Variants in TECTB observed in about 807,000 individuals in gnomAD.
TECTB encodes tectorin beta.
Under a neutral mutation model 43.3 loss-of-function variants are expected in TECTB, and 45 were observed. That is an observed-to-expected ratio of 1.04 (90% CI 0.82 to 1.33). TECTB has a LOEUF of 1.33. Among genes scored for constraint, TECTB ranks in the 40% most tolerant of loss-of-function variants. The pLI is 0.00. For missense variants in TECTB, 399 were observed against 404.7 expected, an observed-to-expected ratio of 0.99 and a Z score of 0.12; for synonymous variants, 169 against 156.7, an observed-to-expected ratio of 1.08 and a Z score of -0.59.
chr10:112,287,987 C>G (rs1202459772), intron 5 of TECTB, among the ~76,000 whole-genome samples: 1 of 152,044 alleles, frequency 6.6e-6, no homozygotes, highest in Non-Finnish European at 1.5e-5. Flanking sequence ...GACCTATAAT[C>G]GGGGGCTAAA....
rs1211813883 is a variant in TECTB at position 112,284,625 on chromosome 10, G to C, written c.167G>C (p.Gly56Ala). ...YGWEVHQLAL[G>A]GLCYNGVHEG... is the part of the protein sequence containing the mutation. ...TGGGAAGTTCATCAGCTGGCCCTCG[G>C]AGGGCTGTGTTACAATGGGGTCCAC... The change falls in exon 3 of 11, where the codon GGA becomes GCA. Residue 56 changes from glycine to alanine, a missense_variant. Gly to Ala is a moderately conservative substitution (Grantham distance 60). Coordinates refer to ENST00000646139, the MANE Select transcript of TECTB (RefSeq NM_058222.3). The C allele has an allele frequency of 1.9e-6, 3 of 1,613,696 alleles. No homozygotes were observed. The African/African-American group carries it at 4.0e-5, about 22-fold the overall frequency.
At chr10:112,296,612 A>G (rs1310594322) in intron 7 of TECTB, among the ~76,000 whole-genome samples, 2 of 152,190 alleles carry the variant, frequency 1.3e-5, no homozygotes, top group Non-Finnish European at 2.9e-5. Flanking sequence ...AAAATGCCAC[A>G]GTTTCATCAC....
intron 3 of TECTB, among the ~76,000 whole-genome samples, chr10:112,285,131 A>G (rs1482573234): frequency 6.6e-6 from 1 of 152,246 alleles, no homozygotes; most frequent in Non-Finnish European, 1.5e-5. Flanking sequence ...GGGAGTGACC[A>G]ATGTATAATA....
chr10:112,300,574 C>T (rs1428520012), intron 9 of TECTB, among the ~76,000 whole-genome samples: 3 of 152,130 alleles, frequency 2.0e-5, no homozygotes, highest in Admixed American at 1.3e-4. Context: ...TGACAGTGGG[C>T]TGGTGCCATG....
At chr10:112,288,155 G>A (rs1019325807) in intron 5 of TECTB, among the ~76,000 whole-genome samples, 6 of 152,160 alleles carry the variant, frequency 3.9e-5, no homozygotes, top group African/African-American at 1.2e-4. Context: ...CTGTCTGGAA[G>A]TGAATAATTG....
intron 2 of TECTB, 122 bp from the exon 3 acceptor site, chr10:112,284,413 C>A: frequency 2.1e-6 from 2 of 930,668 alleles, no homozygotes; most frequent in Non-Finnish European, 2.9e-6. Flanking sequence ...TGAGGAATAG[C>A]AGGGAAGGTG....
At chr10:112,302,205 G>A (rs1848617924) in intron 10 of TECTB, 72 bp downstream of exon 10, 3 of 1,575,376 alleles carry the variant, frequency 1.9e-6, no homozygotes, top group African/African-American at 1.4e-5. Context: ...TTTAAGAGAA[G>A]CTTAACTTTG....
chr10:112,283,755 C>T lies in TECTB; in HGVS notation c.21C>T (p.Val7=). Residue 7 remains valine, a synonymous_variant, in exon 2 of 11, where the codon GTC becomes GTT. Coordinates refer to ENST00000646139, the MANE Select transcript of TECTB (RefSeq NM_058222.3). The part of the protein sequence containing the change: MVTKAF[V]LLAIFAEASA... The stretch of plus-strand genomic sequence containing the variant: ...AAGCAATGGTGACGAAGGCCTTTGT[C>T]TTGTTGGCCATCTTTGCAGAAGCCT... 6.2e-7 allele frequency: 1 copy of T among 1,613,952 alleles called. No homozygotes were observed. Among genetic ancestry groups the T allele is most frequent in the South Asian group, 1.1e-5 (1 of 91,046 alleles).
chr10:112,285,319 G>T (rs1848444744), intron 3 of TECTB, among the ~76,000 whole-genome samples: 1 of 152,126 alleles, frequency 6.6e-6, no homozygotes, highest in African/African-American at 2.4e-5. Flanking sequence ...GGGAGGCTAG[G>T]TCTCCCAACC....
chr10:112,303,492 T>A lies in TECTB; in HGVS notation c.*180T>A. 1.4e-6 allele frequency: 1 copy of A among 722,298 alleles called. No individual in the cohort carries two copies. The highest frequency in any genetic ancestry group is 2.3e-6 in the Non-Finnish European group (1 of 437,554). The allele number at this position is 722,298 out of a possible 1,614,324, so 44.7% of individuals were successfully genotyped here. A position where few individuals can be genotyped will look rare whatever the true frequency, so the allele number is the denominator to read the frequency against. On this transcript the variant is annotated 3_prime_UTR_variant, in exon 11 of 11. Coordinates refer to ENST00000646139, the MANE Select transcript of TECTB (RefSeq NM_058222.3). ...GAATTTGGTGATGCCTTTTTCTTTC[T>A]AAGAAAAACTTAGGCTACTTCCCGT...
At chr10:112,292,041 C>T (rs1848503619) in intron 5 of TECTB, among the ~76,000 whole-genome samples, 1 of 150,806 alleles carries the variant, frequency 6.6e-6, no homozygotes, top group Non-Finnish European at 1.5e-5. Flanking sequence ...GATGCTGAGG[C>T]AGAAGAATGG....
At position 112,293,889 on chromosome 10, in the gene TECTB, A is replaced by C. The variant is rs374063523; in HGVS notation, c.587+48A>C. ...TATATGTTTAAATGCAAAGAAAAAA[A>C]AGACTAGCTGACATACTTTTTAATC... On this transcript the variant is annotated intron_variant, in intron 6 of 10. Coordinates refer to ENST00000646139, the MANE Select transcript of TECTB (RefSeq NM_058222.3). The C allele has an allele frequency of 4.4e-6, 7 of 1,607,534 alleles. No homozygotes were observed. The African/African-American group carries it at 8.0e-5, about 18-fold the overall frequency.
At chr10:112,301,543 A>C (rs1165358243) in intron 9 of TECTB, among the ~76,000 whole-genome samples, 7 of 152,184 alleles carry the variant, frequency 4.6e-5, no homozygotes, top group Non-Finnish European at 5.9e-5. Context: ...TTGTGGTAGC[A>C]GAGATGGGAT....
At chr10:112,293,715 C>T (rs1374020192) in intron 5 of TECTB, 23 bp from the exon 6 acceptor site, 4 of 1,603,048 alleles carry the variant, frequency 2.5e-6, no homozygotes, top group Non-Finnish European at 1.7e-6. Flanking sequence ...TTCATAATGC[C>T]CAGTGTCAAT....
chr10:112,290,895 T>C (rs1006396017), intron 5 of TECTB, among the ~76,000 whole-genome samples: 2 of 152,204 alleles, frequency 1.3e-5, no homozygotes, highest in Non-Finnish European at 2.9e-5. Context: ...AGTAAAATAA[T>C]GTCAGAGGTA....
chr10:112,288,277 A>G (rs183183480), intron 5 of TECTB, among the ~76,000 whole-genome samples: 1 of 152,298 alleles, frequency 6.6e-6, no homozygotes, highest in Non-Finnish European at 1.5e-5. Context: ...AGCTGCGTAG[A>G]GCTGAGCTTC....
chr10:112,298,783 C>T (rs947269647), intron 8 of TECTB, among the ~76,000 whole-genome samples: 2 of 152,180 alleles, frequency 1.3e-5, no homozygotes, highest in Non-Finnish European at 2.9e-5. Context: ...CTTTAACAAG[C>T]CAGCAGTCAT....
intron 4 of TECTB, 40 bp downstream of exon 4, chr10:112,286,253 T>A (rs746033949): frequency 1.2e-6 from 2 of 1,614,070 alleles, no homozygotes; most frequent in East Asian, 2.2e-5. Flanking sequence ...CTGCCTCATG[T>A]GTGTACTGCA....
At chr10:112,301,407 C>CAAAA (rs748878707) in intron 9 of TECTB, among the ~76,000 whole-genome samples, 1 of 132,922 alleles carries the variant, frequency 7.5e-6, no homozygotes, top group Non-Finnish European at 1.6e-5. Context: ...AACTCTGTCT[C>CAAAA]AAAAAAAAAA....
Sources: gnomAD v4.1 joint callset for allele counts (sites outside exome capture counted in the v4.1 genomes callset) on GRCh38, gnomAD v4.1.1 for gene constraint, MANE v1.5 for transcripts, NCBI Gene and HGNC (gene_info 2026-07-23, HGNC 2026-07-21) for gene names.